CARD8: variants seen among roughly 807,000 people sequenced by gnomAD.
CARD8 encodes caspase recruitment domain family member 8.
CARD8 carries 38 observed loss-of-function variants against 53.2 expected under a neutral mutation model. The observed-to-expected ratio is 0.71, with a 90% CI of 0.55 to 0.94. The LOEUF (loss-of-function observed/expected upper bound fraction) is 0.94, where lower values mean the gene tolerates loss of function less well. CARD8 is among the 40% of genes least tolerant of loss of function. CARD8 has a pLI of 0.00. For missense variants in CARD8, 561 were observed against 655.5 expected (o/e 0.86, Z 1.57); for synonymous variants, 245 against 244.9 (o/e 1.00, Z 0.00).
At position 48,241,006 on chromosome 19, in the gene CARD8, C is replaced by T; in HGVS notation, c.15G>A (p.Glu5=). ...CACTGCTGCTACTCTTTTCTGGACA[C>T]TCCTTTTTTTCCATTTGTCAAATGT... The part of the protein sequence containing the change: MEKK[E]CPEKSSSSEE... Residue 5 remains glutamate, a synonymous_variant, in exon 4 of 14, where the codon GAG becomes GAA. Coordinates refer to ENST00000651546, the MANE Select transcript of CARD8 (RefSeq NM_001184900.3). 6.5e-7 allele frequency: 1 copy of T among 1,536,050 alleles called. No homozygotes were observed. Among genetic ancestry groups the T allele is most frequent in the Non-Finnish European group, 8.7e-7 (1 of 1,146,754 alleles).
chr19:48,252,450 C>A (rs1336551990), intron 1 of CARD8, among the ~76,000 whole-genome samples: 1 of 150,642 alleles, frequency 6.6e-6, no homozygotes, highest in Admixed American at 6.6e-5. Flanking sequence ...AATACATATA[C>A]ACAAATATGT....
chr19:48,214,371 A>C (rs1357851586), intron 13 of CARD8, among the ~76,000 whole-genome samples: 1 of 152,218 alleles, frequency 6.6e-6, no homozygotes. Flanking sequence ...GTCTCCTGAC[A>C]GAGAGAAAAC....
At chr19:48,243,813 T>C (rs555796190) in intron 3 of CARD8, among the ~76,000 whole-genome samples, 23 of 152,250 alleles carry the variant, frequency 1.5e-4, no homozygotes, top group Non-Finnish European at 2.9e-4. Flanking sequence ...ATGGCGCCGC[T>C]GCATTCCAGT....
chr19:48,248,336 G>A (rs377067675), intron 3 of CARD8, among the ~76,000 whole-genome samples: 11 of 152,148 alleles, frequency 7.2e-5, no homozygotes, highest in South Asian at 6.2e-4. Context: ...GCCACACAGC[G>A]AAGCCCTGTC....
chr19:48,233,093 A>G (rs1211556207), intron 6 of CARD8: 4 of 351,948 alleles, frequency 1.1e-5, no homozygotes, highest in Non-Finnish European at 1.7e-5. Flanking sequence ...AAACCACCCA[A>G]TACCAGGTCA....
At chr19:48,246,644 G>A (rs1243740054) in intron 3 of CARD8, among the ~76,000 whole-genome samples, 8 of 151,962 alleles carry the variant, frequency 5.3e-5, no homozygotes, top group Non-Finnish European at 1.2e-4. Flanking sequence ...TCTAGAAATA[G>A]GTAGACAAAG....
intron 13 of CARD8, among the ~76,000 whole-genome samples, chr19:48,214,227 T>C (rs1383584927): frequency 6.6e-6 from 1 of 152,162 alleles, no homozygotes; most frequent in African/African-American, 2.4e-5. Flanking sequence ...AGGCAGCTCG[T>C]CAGATATGAG....
At chr19:48,236,148 C>T (rs2043833906) in intron 5 of CARD8, among the ~76,000 whole-genome samples, 1 of 152,222 alleles carries the variant, frequency 6.6e-6, no homozygotes, top group South Asian at 2.1e-4. Flanking sequence ...AGAACCTCTG[C>T]TGTAGTCCAG....
At chr19:48,233,311 C>T (rs912125165) in intron 6 of CARD8, 2 of 456,112 alleles carry the variant, frequency 4.4e-6, no homozygotes, top group African/African-American at 2.0e-5. Flanking sequence ...AATTCTCTGC[C>T]TTTGATCCAT....
intron 10 of CARD8, among the ~76,000 whole-genome samples, chr19:48,222,390 C>T (rs1283286872): frequency 6.6e-6 from 1 of 152,156 alleles, no homozygotes; most frequent in Admixed American, 6.5e-5. Context: ...AAAGCGAGAC[C>T]TCAAAACTAT....
Position 48,211,506 on chromosome 19 carries a change from T to G in CARD8, c.*204A>C. 1.8e-6 allele frequency: 1 copy of G among 560,934 alleles called. No individual in the cohort carries two copies. The highest frequency in any genetic ancestry group is 3.1e-6 in the Non-Finnish European group (1 of 318,936). The allele number at this position is 560,934 out of a possible 1,614,324, so 34.7% of individuals were successfully genotyped here. On this transcript the variant is annotated 3_prime_UTR_variant, in exon 14 of 14. Transcript: ENST00000651546. ...AAAATTTAAAAGGAATATTACTACC[T>G]TCTTCAGACATTCTTGAGGAAAATG...
rs1450958083 is a variant in CARD8 at position 48,211,723 on chromosome 19, T to C, written c.1601A>G (p.Gln534Arg). ...RDPYLVSYLRQQNL is the reference protein window; with the variant it reads ...RDPYLVSYLRRQNL Reference sequence around the variant, plus strand: ...AACTGACTCATTTTACAAATTCTGCTGTCTAAGATAGGACACGAGGTAAGG... The same window carrying C: ...AACTGACTCATTTTACAAATTCTGCCGTCTAAGATAGGACACGAGGTAAGG... The change falls in exon 14 of 14, where the codon CAG becomes CGG. Residue 534 changes from glutamine to arginine, a missense_variant. Physicochemically the swap from Gln to Arg is conservative, Grantham distance 43 (BLOSUM62 1). Transcript: ENST00000651546. 3 of 1,613,368 alleles carry C rather than the reference T, an allele frequency of 1.9e-6. No homozygotes were observed. Among genetic ancestry groups the C allele is most frequent in the South Asian group, 2.2e-5 (2 of 90,924 alleles).
intron 6 of CARD8, 110 bp downstream of exon 6, chr19:48,234,293 A>G: frequency 8.9e-7 from 1 of 1,117,592 alleles, no homozygotes; most frequent in African/African-American, 1.6e-5. Flanking sequence ...AAGCTCATTC[A>G]TTCTCCCCTG....
intron 11 of CARD8, among the ~76,000 whole-genome samples, chr19:48,220,260 TAGAAAA>T (rs1259215923): frequency 2.0e-5 from 3 of 152,186 alleles, no homozygotes; most frequent in Non-Finnish European, 4.4e-5. Flanking sequence ...CTAGTATACT[TAGAAAA>T]AGATCACTGA....
At chr19:48,245,578 G>A (rs11879548) in intron 3 of CARD8, among the ~76,000 whole-genome samples, 7,665 of 151,894 alleles carry the variant, frequency 0.05, 647 homozygotes, top group African/African-American at 0.17. Context: ...TTCCATGAAA[G>A]AAGAAAATAC....
At chr19:48,232,374 A>G in intron 7 of CARD8, 79 bp downstream of exon 7, 1 of 1,335,846 alleles carries the variant, frequency 7.5e-7, no homozygotes, top group Non-Finnish European at 1.0e-6. Context: ...AAGACTCTAA[A>G]TTGTCTTCTT....
At chr19:48,233,386 G>A (rs1256963687) in intron 6 of CARD8, 1 of 456,120 alleles carries the variant, frequency 2.2e-6, no homozygotes, top group Non-Finnish European at 4.4e-6. Context: ...CGTGGATTAG[G>A]TTTAAAAAGA....
chr19:48,247,773 TATATACAC>T (rs1363762537), intron 3 of CARD8, among the ~76,000 whole-genome samples: 4 of 86,770 alleles, frequency 4.6e-5, no homozygotes, highest in African/African-American at 2.2e-4. Flanking sequence ...TATATATATA[TATATACAC>T]ACACACACAA....
rs534620895 is a variant in CARD8 at position 48,224,984 on chromosome 19, C to A, written c.1036-3129G>T. ...TAGCCAGGATGGTCTCGATCTCCTG[C>A]CCTCGTGATCCGCCCACCTCGGCCT... On this transcript the variant is annotated intron_variant, in intron 10 of 13. Transcript: ENST00000651546. Among the ~76,000 whole-genome samples the A allele has an allele frequency of 5.3e-5, 8 of 151,464 alleles. No individual in the cohort carries two copies. In the South Asian group the frequency reaches 8.4e-4, roughly 16 times the overall value.
Sources: allele counts gnomAD v4.1 joint callset (sites outside exome capture counted in the v4.1 genomes callset), GRCh38; gene constraint gnomAD v4.1.1; transcripts MANE v1.5; gene names NCBI Gene and HGNC (gene_info 2026-07-23, HGNC 2026-07-21).